The following ALOX15 variants were observed in gnomAD, a reference collection of about 807,000 sequenced individuals.
The protein encoded by ALOX15 is arachidonate 15-lipoxygenase.
ALOX15 carries 68 observed loss-of-function variants against 71.7 expected under a neutral mutation model. That is an observed-to-expected ratio of 0.95 (90% CI 0.78 to 1.16). ALOX15 has a LOEUF of 1.16. ALOX15 is among the 50% of genes most tolerant of loss of function. The pLI, the probability that ALOX15 is intolerant of heterozygous loss-of-function variation, is 0.00. For missense variants in ALOX15, 798 were observed against 818.8 expected (o/e 0.97, Z 0.31); for synonymous variants, 346 against 333.3 (o/e 1.04, Z -0.42).
intron 7 of ALOX15, 76 bp downstream of exon 7, chr17:4,637,039 G>T: frequency 6.6e-7 from 1 of 1,526,210 alleles, no homozygotes; most frequent in Non-Finnish European, 8.9e-7. Flanking sequence ...TGCAGATGGT[G>T]CTCAGTAAAT....
Position 4,635,980 on chromosome 17 carries a change from A to G in ALOX15, c.952-12T>C. ...CGGGGCAGCTGGAGCTGGAGCAGGG[A>G]CAAGTGTGGGGAGAGAAGGCATGAG... On this transcript the variant is annotated splice_polypyrimidine_tract_variant and intron_variant, in intron 7 of 13. Transcript: ENST00000293761. The G allele has an allele frequency of 1.9e-6, 3 of 1,612,842 alleles. No individual in the cohort carries two copies. Among genetic ancestry groups the G allele is most frequent in the Non-Finnish European group, 2.5e-6 (3 of 1,179,814 alleles).
intron 1 of ALOX15, 133 bp downstream of exon 1, chr17:4,641,384 G>T (rs1383934543): frequency 2.2e-6 from 3 of 1,357,404 alleles, no homozygotes; most frequent in East Asian, 2.4e-5. Context: ...GCCTCCGCGC[G>T]CTTTGAGCCC....
intron 10 of ALOX15, 79 bp downstream of exon 10, chr17:4,633,067 C>A (rs1021216972): frequency 1.6e-5 from 25 of 1,609,768 alleles, no homozygotes; most frequent in Non-Finnish European, 2.1e-5. Flanking sequence ...AGGCCCCCAA[C>A]CAGACGCAGA....
chr17:4,637,378 T>G, intron 6 of ALOX15, 120 bp from the exon 7 acceptor site: 1 of 1,176,848 alleles, frequency 8.5e-7, no homozygotes, highest in Non-Finnish European at 1.2e-6. Context: ...TTATACCAGG[T>G]AATGGATCAT....
chr17:4,633,072 C>T lies in ALOX15; in HGVS notation c.1418+74G>A, dbSNP rs966830407. 162 of 1,609,182 alleles carry T rather than the reference C, an allele frequency of 1.0e-4. 1 individual carries two copies. The highest frequency in any genetic ancestry group is 1.0e-3 in the African/African-American group (75 of 74,870). ...TCAGGGCCCCAGGCCCCCAACCAGA[C>T]GCAGACCTCCTGCTCTCCTACATGT... On this transcript the variant is annotated intron_variant, in intron 10 of 13. Coordinates refer to ENST00000293761, the MANE Select transcript of ALOX15 (RefSeq NM_001140.5).
rs118113604 is a variant in ALOX15 at position 4,638,782 on chromosome 17, C to T, written c.542+68G>A. The T allele has an allele frequency of 3.5e-5, 56 of 1,612,880 alleles. No individual in the cohort carries two copies. The East Asian group carries it at 1.2e-3, about 35-fold the overall frequency. ...CCTGGGCCAGTCCAATGCAGTGCAG[C>T]CCATAAGCCCCTTGGCTTCCACTAG... On this transcript the variant is annotated intron_variant, in intron 4 of 13. Coordinates refer to ENST00000293761, the MANE Select transcript of ALOX15 (RefSeq NM_001140.5).
intron 13 of ALOX15, 49 bp downstream of exon 13, chr17:4,631,840 G>A (rs753138308): frequency 1.9e-4 from 298 of 1,608,776 alleles, no homozygotes; most frequent in Non-Finnish European, 2.4e-4. Flanking sequence ...GATGCCACAC[G>A]TCCCCACAGC....
At position 4,641,341 on chromosome 17, in the gene ALOX15, C is replaced by T. The variant is rs748915814; in HGVS notation, c.135+176G>A. On this transcript the variant is annotated intron_variant, in intron 1 of 13. Coordinates refer to ENST00000293761, the MANE Select transcript of ALOX15 (RefSeq NM_001140.5). ...ACATTTATTGAGCGCTTACTGTGTGCCACCGACTGCCCTAAAGCCCCCCAC... is the reference window on the plus strand; with the variant it reads ...ACATTTATTGAGCGCTTACTGTGTGTCACCGACTGCCCTAAAGCCCCCCAC... 1.1e-4 allele frequency among the ~76,000 whole-genome samples: 16 copies of T among 152,332 alleles called. No individual in the cohort carries two copies. The East Asian group carries it at 1.2e-3, about 11-fold the overall frequency.
rs770087312 is a variant in ALOX15, at chr17:4,631,626, C to G, written c.1963G>C (p.Val655Leu). 6.2e-7 allele frequency: 1 copy of G among 1,613,452 alleles called. No individual in the cohort carries two copies. The highest frequency in any genetic ancestry group is 8.5e-7 in the Non-Finnish European group (1 of 1,180,030). Residue 655 changes from valine (V) to leucine (L), a missense_variant, in exon 14 of 14, where the codon GTG becomes CTG. Val to Leu is a conservative substitution (Grantham distance 32). This residue lies in a region of ALOX15 where 490 missense variants were observed against 509.4 expected (regional missense o/e 0.96). Transcript: ENST00000293761. ...DMPYEYLRPS[V>L]VENSVAI is the part of the protein sequence containing the mutation. Reference sequence around the variant, plus strand: ...TAGATGGCCACACTGTTTTCCACCACGCTGGGCCGCAGGTACTCGTAGGGC... The same window carrying G: ...TAGATGGCCACACTGTTTTCCACCAGGCTGGGCCGCAGGTACTCGTAGGGC...
At chr17:4,636,612 C>A (rs958600593) in intron 7 of ALOX15, among the ~76,000 whole-genome samples, 2 of 152,154 alleles carry the variant, frequency 1.3e-5, no homozygotes, top group African/African-American at 2.4e-5. Flanking sequence ...CATCTCCCCT[C>A]TCCAACCCAC....
chr17:4,631,507 A>C lies in ALOX15; in HGVS notation c.*93T>G. ...TCTAGGGAGGGTGGGACATGGGAAGAGGGTGGGACTTGGGAGGGCAGGGCT... is the reference window on the plus strand; with the variant it reads ...TCTAGGGAGGGTGGGACATGGGAAGCGGGTGGGACTTGGGAGGGCAGGGCT... On this transcript the variant is annotated 3_prime_UTR_variant, in exon 14 of 14. Transcript: ENST00000293761. The C allele has an allele frequency of 6.9e-7, 1 of 1,451,496 alleles. No individual in the cohort carries two copies. The highest frequency in any genetic ancestry group is 9.3e-7 in the Non-Finnish European group (1 of 1,078,824). The allele number at this position is 1,451,496 out of a possible 1,614,324, so 89.9% of individuals were successfully genotyped here.
In ALOX15 at chr17:4,632,166, A is replaced by C; in HGVS notation, c.1641+15T>G. On this transcript the variant is annotated intron_variant, in intron 12 of 13. Coordinates refer to ENST00000293761, the MANE Select transcript of ALOX15 (RefSeq NM_001140.5). Reference sequence around the variant, plus strand: ...CCAGGCCCCAAATTCCCAGCTGCCCATCTCTGGTAAGTACCTGGCCCAGGT... The same window carrying C: ...CCAGGCCCCAAATTCCCAGCTGCCCCTCTCTGGTAAGTACCTGGCCCAGGT... 5.0e-6 allele frequency: 8 copies of C among 1,614,120 alleles called. No homozygotes were observed. The highest frequency in any genetic ancestry group is 1.3e-5 in the African/African-American group (1 of 75,050).
At position 4,632,255 on chromosome 17, in the gene ALOX15, C is replaced by T. The variant is rs1165219467; in HGVS notation, c.1567G>A (p.Asp523Asn). 6.2e-7 allele frequency: 1 copy of T among 1,614,150 alleles called. No homozygotes were observed. The highest frequency in any genetic ancestry group is 8.5e-7 in the Non-Finnish European group (1 of 1,180,020). ...ATGGTGACAAAGTGGCAAACCTGGT[C>T]CCGAGCCTGTAAAGAGACAGGAAAC... is the stretch of plus-strand genomic sequence containing the variant. ...RGFPVSLQARDQVCHFVTMCI... is the reference protein window; with the variant it reads ...RGFPVSLQARNQVCHFVTMCI... The change falls in exon 12 of 14, where the codon GAC becomes AAC. Residue 523 changes from aspartate (D) to asparagine (N), a missense_variant. By Grantham distance (23) the Asp-to-Asn change is conservative. Transcript: ENST00000293761.
chr17:4,632,114 C>A, intron 12 of ALOX15, 58 bp from the exon 13 acceptor site: 1 of 1,611,628 alleles, frequency 6.2e-7, no homozygotes, highest in Non-Finnish European at 8.5e-7. Flanking sequence ...CCCCGTGGTC[C>A]ACCTGCACAC....
chr17:4,639,212 C>A lies in ALOX15; in HGVS notation c.338-80G>T, dbSNP rs1231540428. ...TCTCTGCCAGGAGAGCCTCAGCACC[C>A]CGTCCTTCTGTGTGGCCTCTGCCCC... On this transcript the variant is annotated intron_variant, in intron 2 of 13. Transcript: ENST00000293761. The A allele has an allele frequency of 3.5e-5, 54 of 1,557,622 alleles. 1 individual carries two copies. In the South Asian group the frequency reaches 3.8e-4, roughly 11 times the overall value.
At chr17:4,632,090 A>G (rs2619112) in intron 12 of ALOX15, 34 bp from the exon 13 acceptor site, 857,796 of 1,608,558 alleles carry the variant, frequency 0.53, 229,305 homozygotes, top group East Asian at 0.59. Context: ...GTCAGTGCCT[A>G]CCAAGCACGC....
At chr17:4,639,790 C>T in intron 1 of ALOX15, 159 bp from the exon 2 acceptor site, 4 of 691,638 alleles carry the variant, frequency 5.8e-6, no homozygotes, top group South Asian at 1.9e-5. Flanking sequence ...GGGACCGCGC[C>T]GAGCAGGTGG....
rs1024297916 is a variant in ALOX15 at position 4,631,954 on chromosome 17, T to A, written c.1744A>T (p.Asn582Tyr). ...TLETVMATLP[N>Y]FHQASLQMSI... is the part of the protein sequence containing the mutation. ...ATCTGGAGAGAAGCCTGGTGGAAGT[T>A]GGGCAGTGTCGCCATCACTGTCTCC... The change falls in exon 13 of 14, where the codon AAC becomes TAC. Residue 582 changes from asparagine (N) to tyrosine (Y), a missense_variant. Physicochemically the swap from Asn to Tyr is moderately radical, Grantham distance 143. This residue lies in a region of ALOX15 where 490 missense variants were observed against 509.4 expected (regional missense o/e 0.96). Coordinates refer to ENST00000293761, the MANE Select transcript of ALOX15 (RefSeq NM_001140.5). The A allele has an allele frequency of 5.0e-6, 8 of 1,614,120 alleles. No homozygotes were observed. Among genetic ancestry groups the A allele is most frequent in the Non-Finnish European group, 6.8e-6 (8 of 1,180,042 alleles).
rs764616942 is a variant in ALOX15 at position 4,641,604 on chromosome 17, G to T, written c.48C>A (p.Ala16=). The T allele has an allele frequency of 2.5e-6, 4 of 1,613,878 alleles. No homozygotes were observed. Among genetic ancestry groups the T allele is most frequent in the South Asian group, 2.2e-5 (2 of 91,084 alleles). ...ACAGCTGCACCTGGTTGTTGGAACC[G>T]GCATAGAGCGAGGCCCCAGTGGACA... ...IRVSTGASLY[A]GSNNQVQLWL... Residue 16 remains alanine (A), a synonymous_variant, in exon 1 of 14, where the codon GCC becomes GCA. Coordinates refer to ENST00000293761, the MANE Select transcript of ALOX15 (RefSeq NM_001140.5).
Sources: allele counts gnomAD v4.1 joint callset (sites outside exome capture counted in the v4.1 genomes callset), GRCh38; gene constraint gnomAD v4.1.1; regional missense constraint gnomAD v4.1.1; transcripts MANE v1.5; gene names NCBI Gene and HGNC (gene_info 2026-07-23, HGNC 2026-07-21).